The following PAX5 variants were observed in gnomAD, a reference collection of about 807,000 sequenced individuals.
PAX5 encodes paired box protein Pax-5.
Under a neutral mutation model 43.7 loss-of-function variants are expected in PAX5, and 9 were observed. The observed-to-expected ratio is 0.21, with a 90% CI of 0.12 to 0.36. The LOEUF (loss-of-function observed/expected upper bound fraction) is 0.36, where lower values mean the gene tolerates loss of function less well. Ranked by LOEUF, PAX5 falls within the 10% of genes least tolerant of loss-of-function variation. The probability of loss-of-function intolerance (pLI) is 1.00; values close to 1 mark genes in which losing one functional copy is unlikely to be tolerated. For missense variants in PAX5, 383 were observed against 532.7 expected (o/e 0.72, Z 2.77); for synonymous variants, 228 against 214.3 (o/e 1.06, Z -0.56).
Position 36,839,179 on chromosome 9 carries a change from C to G in PAX5, c.*1381G>C, listed in dbSNP as rs571054332. The G allele has an allele frequency of 4.3e-6, 1 of 233,694 alleles. No homozygotes were observed. The highest frequency in any genetic ancestry group is 5.6e-5 in the Admixed American group (1 of 17,812). 14.5% of individuals were successfully genotyped at this position (233,694 alleles called of 1,614,324 possible). On this transcript the variant is annotated 3_prime_UTR_variant, in exon 10 of 10. Transcript: ENST00000358127. ...CAGCAGCTCCTCACTGCTCTCCTGC[C>G]CCTCCCTCAGGAGGCCTTCCTCTGT...
intron 6 of PAX5, among the ~76,000 whole-genome samples, chr9:36,942,753 T>C (rs1183067036): frequency 1.3e-5 from 2 of 152,222 alleles, no homozygotes; most frequent in Non-Finnish European, 2.9e-5. Context: ...TAACCTAGGT[T>C]ATGTAGCTAC....
intron 5 of PAX5, among the ~76,000 whole-genome samples, chr9:36,972,839 C>A (rs1588119517): frequency 6.6e-6 from 1 of 152,092 alleles, no homozygotes; most frequent in Non-Finnish European, 1.5e-5. Context: ...ACCAGCCTGG[C>A]CAACATGGTG....
intron 7 of PAX5, among the ~76,000 whole-genome samples, chr9:36,902,223 T>C (rs893745298): frequency 2.0e-5 from 3 of 152,186 alleles, no homozygotes; most frequent in African/African-American, 4.8e-5. Context: ...CGTCAGGATT[T>C]ATAACTGTAT....
At chr9:36,843,070 GTGTGTGTGCC>G (rs1468459626) in intron 9 of PAX5, among the ~76,000 whole-genome samples, 1 of 149,690 alleles carries the variant, frequency 6.7e-6, no homozygotes, top group Non-Finnish European at 1.5e-5. Flanking sequence ...GTGTGTGAGC[GTGTGTGTGCC>G]TGTGTGTGTG....
At chr9:37,007,189 G>A (rs561740516) in intron 3 of PAX5, among the ~76,000 whole-genome samples, 26 of 152,148 alleles carry the variant, frequency 1.7e-4, no homozygotes, top group Non-Finnish European at 3.7e-4. Context: ...CACAGGGCTG[G>A]AGCCAGTGAT....
rs1483218446 is a variant in PAX5 at position 36,836,980 on chromosome 9, G to A, written c.*3580C>T. 1 of 232,620 alleles carries A rather than the reference G, an allele frequency of 4.3e-6. No homozygotes were observed. The highest frequency in any genetic ancestry group is 6.1e-5 in the East Asian group (1 of 16,528). The allele number at this position is 232,620 out of a possible 1,614,324, so 14.4% of individuals were successfully genotyped here. ...TGTGGATTTGGTCAAAGACTCCGCA[G>A]GTTTCAATGTTCTTAGGAAACAAAG... On this transcript the variant is annotated 3_prime_UTR_variant, in exon 10 of 10. Transcript: ENST00000358127.
At chr9:37,016,484 T>C (rs1291538465) in intron 2 of PAX5, among the ~76,000 whole-genome samples, 1 of 152,174 alleles carries the variant, frequency 6.6e-6, no homozygotes, top group Non-Finnish European at 1.5e-5. Context: ...CATTTGCTCA[T>C]TAAGGAAAAT....
intron 8 of PAX5, among the ~76,000 whole-genome samples, chr9:36,879,149 C>G (rs1244302443): frequency 6.6e-6 from 1 of 152,202 alleles, no homozygotes; most frequent in Admixed American, 6.5e-5. Flanking sequence ...TGTCCAGCTG[C>G]TGCCAGGCTT....
intron 9 of PAX5, among the ~76,000 whole-genome samples, chr9:36,842,516 C>T (rs1293886817): frequency 2.0e-5 from 3 of 152,220 alleles, no homozygotes; most frequent in Non-Finnish European, 4.4e-5. Context: ...TCCAGCGGGC[C>T]TCCGTGTGAA....
chr9:36,838,617 G>A lies in PAX5; in HGVS notation c.*1943C>T, dbSNP rs1287829846. 1 of 233,080 alleles carries A rather than the reference G, an allele frequency of 4.3e-6. No individual in the cohort carries two copies. Among genetic ancestry groups the A allele is most frequent in the Non-Finnish European group, 8.5e-6 (1 of 118,050 alleles). The allele number at this position is 233,080 out of a possible 1,614,324, so 14.4% of individuals were successfully genotyped here. ...GAAGTTGGGCTAGGTCTTTTTCCAG[G>A]CTCTTCTGATTCCCGCCCCTCCGAG... is the stretch of plus-strand genomic sequence containing the variant. On this transcript the variant is annotated 3_prime_UTR_variant, in exon 10 of 10. Coordinates refer to ENST00000358127, the MANE Select transcript of PAX5 (RefSeq NM_016734.3).
intron 6 of PAX5, among the ~76,000 whole-genome samples, chr9:36,962,069 G>A (rs946491244): frequency 2.6e-5 from 4 of 152,208 alleles, no homozygotes; most frequent in African/African-American, 7.2e-5. Context: ...GATCTTGGCG[G>A]GAAAAGCTGC....
rs571015596 is a variant in PAX5, at chr9:36,843,439, C to A, written c.1100-2803G>T. The stretch of plus-strand genomic sequence containing the variant: ...TCACTGCTTCCTCTGCCCTGCACAT[C>A]TCAAGAGAGCATGCATGCAGCTCCT... On this transcript the variant is annotated intron_variant, in intron 9 of 9. Coordinates refer to ENST00000358127, the MANE Select transcript of PAX5 (RefSeq NM_016734.3). 3.3e-5 allele frequency among the ~76,000 whole-genome samples: 5 copies of A among 152,302 alleles called. No individual in the cohort carries two copies. The South Asian group carries it at 1.0e-3, about 32-fold the overall frequency.
intron 1 of PAX5, among the ~76,000 whole-genome samples, chr9:37,032,866 T>C (rs1011827705): frequency 3.3e-5 from 5 of 152,240 alleles, no homozygotes; most frequent in African/African-American, 9.6e-5. Flanking sequence ...GGGAGGCACA[T>C]GGGGACCTAA....
At chr9:36,883,531 C>T (rs893109940) in intron 7 of PAX5, among the ~76,000 whole-genome samples, 3 of 151,984 alleles carry the variant, frequency 2.0e-5, no homozygotes, top group Non-Finnish European at 4.4e-5. Flanking sequence ...ATTAGCCAGG[C>T]GTCGTGGCAC....
At chr9:36,943,069 C>T (rs1437286753) in intron 6 of PAX5, among the ~76,000 whole-genome samples, 1 of 152,212 alleles carries the variant, frequency 6.6e-6, no homozygotes, top group African/African-American at 2.4e-5. Flanking sequence ...CAGTGCAGGC[C>T]CACCCTAGCC....
chr9:36,972,407 A>ACT, intron 5 of PAX5, among the ~76,000 whole-genome samples: 1 of 152,190 alleles, frequency 6.6e-6, no homozygotes, highest in African/African-American at 2.4e-5. Flanking sequence ...CCCCAGTAGT[A>ACT]AGCTAAGGTA....
At chr9:37,011,582 G>A (rs544023503) in intron 3 of PAX5, among the ~76,000 whole-genome samples, 4 of 152,314 alleles carry the variant, frequency 2.6e-5, no homozygotes, top group Admixed American at 2.0e-4. Context: ...ATCCCTGCAG[G>A]TTGTGCAGCC....
chr9:37,026,005 T>G (rs1050887058), intron 1 of PAX5, among the ~76,000 whole-genome samples: 1 of 152,152 alleles, frequency 6.6e-6, no homozygotes, highest in Non-Finnish European at 1.5e-5. Context: ...CCTCCTCAAC[T>G]CCAGGACGCC....
intron 5 of PAX5, among the ~76,000 whole-genome samples, chr9:36,975,240 G>A (rs1835315581): frequency 6.6e-6 from 1 of 152,178 alleles, no homozygotes; most frequent in South Asian, 2.1e-4. Flanking sequence ...CACTTGCACA[G>A]CTCCTACATG....
Sources: gnomAD v4.1 joint callset for allele counts (sites outside exome capture counted in the v4.1 genomes callset) on GRCh38, gnomAD v4.1.1 for gene constraint, MANE v1.5 for transcripts, NCBI Gene and HGNC (gene_info 2026-07-23, HGNC 2026-07-21) for gene names.